The following HCRTR2 variants were observed in gnomAD, a reference collection of about 807,000 sequenced individuals.
HCRTR2 encodes the protein orexin receptor type 2.
Under a neutral mutation model 49.0 loss-of-function variants are expected in HCRTR2, and 22 were observed. That is an observed-to-expected ratio of 0.45 (90% CI 0.32 to 0.64). The LOEUF (loss-of-function observed/expected upper bound fraction) is 0.64. Among genes scored for constraint, HCRTR2 ranks in the 30% least tolerant of loss-of-function variants. HCRTR2 has a pLI of 0.04. For synonymous variants in HCRTR2, 236 were observed against 205.3 expected, an observed-to-expected ratio of 1.15 and a Z score of -1.28; for missense variants, 491 against 559.4, an observed-to-expected ratio of 0.88 and a Z score of 1.23.
intron 1 of HCRTR2, among the ~76,000 whole-genome samples, chr6:55,197,111 T>C (rs1341324780): frequency 6.6e-6 from 1 of 152,184 alleles, no homozygotes; most frequent in African/African-American, 2.4e-5. Context: ...AAACTAAATT[T>C]AACTCTAAAC....
intron 1 of HCRTR2, among the ~76,000 whole-genome samples, chr6:55,163,333 A>C (rs1452298265): frequency 1.3e-5 from 2 of 152,204 alleles, no homozygotes; most frequent in Non-Finnish European, 2.9e-5. Flanking sequence ...TCCTAAGCAA[A>C]AAGAACATAG....
intron 3 of HCRTR2, among the ~76,000 whole-genome samples, chr6:55,256,817 A>T (rs932981128): frequency 6.6e-6 from 1 of 152,138 alleles, no homozygotes; most frequent in Non-Finnish European, 1.5e-5. Context: ...CATTGTGCCC[A>T]CCTGGAGAGA....
intron 1 of HCRTR2, among the ~76,000 whole-genome samples, chr6:55,127,174 G>T (rs1158085155): frequency 6.6e-6 from 1 of 152,084 alleles, no homozygotes; most frequent in Non-Finnish European, 1.5e-5. Context: ...ACCAAGTTTT[G>T]TGCTTGAAAC....
At chr6:55,118,711 T>C (rs557479202) in intron 1 of HCRTR2, among the ~76,000 whole-genome samples, 2 of 151,840 alleles carry the variant, frequency 1.3e-5, no homozygotes, top group Non-Finnish European at 1.5e-5. Flanking sequence ...CTTTGAAAGG[T>C]GCCTGTTCAT....
At chr6:55,248,228 G>C (rs1373589295) in intron 1 of HCRTR2, among the ~76,000 whole-genome samples, 1 of 152,066 alleles carries the variant, frequency 6.6e-6, no homozygotes, top group East Asian at 1.9e-4. Context: ...GAAGATATGG[G>C]TCAAGGTCAT....
intron 1 of HCRTR2, among the ~76,000 whole-genome samples, chr6:55,147,146 C>A (rs1764590127): frequency 6.6e-6 from 1 of 152,038 alleles, no homozygotes; most frequent in African/African-American, 2.4e-5. Context: ...TAATAAAGGT[C>A]TTTTAATTAC....
chr6:55,193,161 C>T (rs1385118549), intron 1 of HCRTR2, among the ~76,000 whole-genome samples: 1 of 152,102 alleles, frequency 6.6e-6, no homozygotes, highest in Non-Finnish European at 1.5e-5. Flanking sequence ...ACTCTTCTGA[C>T]ATTAGAAGGA....
intron 3 of HCRTR2, among the ~76,000 whole-genome samples, chr6:55,260,221 T>C (rs545175290): frequency 1.3e-5 from 2 of 152,174 alleles, no homozygotes; most frequent in Non-Finnish European, 2.9e-5. Context: ...CAATTGGTCT[T>C]ATGCAGACAA....
chr6:55,275,162 G>C (rs897669733), intron 4 of HCRTR2, among the ~76,000 whole-genome samples: 1 of 152,078 alleles, frequency 6.6e-6, no homozygotes, highest in South Asian at 2.1e-4. Flanking sequence ...AGGTTTTAAG[G>C]TCCATCATGT....
intron 2 of HCRTR2, among the ~76,000 whole-genome samples, chr6:55,252,095 T>C (rs1766561148): frequency 6.6e-6 from 1 of 152,142 alleles, no homozygotes. Context: ...AATTGTATAT[T>C]AATGTGTTAA....
At chr6:55,119,950 A>T (rs1764172905) in intron 1 of HCRTR2, among the ~76,000 whole-genome samples, 1 of 151,974 alleles carries the variant, frequency 6.6e-6, no homozygotes, top group South Asian at 2.1e-4. Context: ...TTTTTGTATA[A>T]GGTATAAGGA....
In HCRTR2 at chr6:55,157,451, G is replaced by A. The variant is rs115973104; in HGVS notation, c.-377-16760G>A. ...ATCTCTGGATCCACTCAGGACCAGG[G>A]AGAACTTGTTGCCCTGAAGGGAAGG... On this transcript the variant is annotated intron_variant, in intron 1 of 7. Transcript: ENST00000615358. 2.3e-3 allele frequency among the ~76,000 whole-genome samples: 358 copies of A among 152,354 alleles called. 1 individual carries two copies. Among genetic ancestry groups the A allele is most frequent in the African/African-American group, 8.1e-3 (335 of 41,590 alleles).
chr6:55,163,444 C>A (rs1170562666), intron 1 of HCRTR2, among the ~76,000 whole-genome samples: 2 of 152,088 alleles, frequency 1.3e-5, no homozygotes, highest in Non-Finnish European at 2.9e-5. Context: ...ACCAATGGAA[C>A]AGAACAGAGG....
At chr6:55,109,171 G>A (rs533397031) in intron 1 of HCRTR2, among the ~76,000 whole-genome samples, 2 of 152,162 alleles carry the variant, frequency 1.3e-5, no homozygotes, top group Admixed American at 6.6e-5. Context: ...CTCTCAGGAA[G>A]CCCCATTCCT....
intron 1 of HCRTR2, among the ~76,000 whole-genome samples, chr6:55,180,673 A>T (rs759078667): frequency 3.9e-5 from 6 of 152,234 alleles, no homozygotes; most frequent in Admixed American, 2.0e-4. Flanking sequence ...CTGAGAGCCT[A>T]AACACTTAAC....
intron 1 of HCRTR2, among the ~76,000 whole-genome samples, chr6:55,117,804 A>AG (rs1554166005): frequency 3.3e-5 from 5 of 149,268 alleles, no homozygotes; most frequent in African/African-American, 7.4e-5. Context: ...AAAAAAAAAA[A>AG]GGGAACTGGA....
intron 1 of HCRTR2, among the ~76,000 whole-genome samples, chr6:55,221,273 A>T (rs1460683832): frequency 6.6e-6 from 1 of 152,208 alleles, no homozygotes; most frequent in Non-Finnish European, 1.5e-5. Flanking sequence ...TCCTGACTTC[A>T]AAACATATTC....
intron 1 of HCRTR2, among the ~76,000 whole-genome samples, chr6:55,192,417 A>T (rs200587351): frequency 8.9e-6 from 1 of 112,174 alleles, no homozygotes; most frequent in Non-Finnish European, 1.9e-5. Flanking sequence ...GCGCGCGCAC[A>T]CACACACACA....
chr6:55,138,687 G>T lies in HCRTR2; in HGVS notation c.-378+32142G>T, dbSNP rs549594670. Reference sequence around the variant, plus strand: ...TGTCATTTTAAACTGCTTAAGCAGAGGGTTAGAGAGCTCCTGAAAAGAAAG... The same window carrying T: ...TGTCATTTTAAACTGCTTAAGCAGATGGTTAGAGAGCTCCTGAAAAGAAAG... On this transcript the variant is annotated intron_variant, in intron 1 of 7. Coordinates refer to the HCRTR2 transcript ENST00000615358. Among the ~76,000 whole-genome samples, 30 of 152,292 alleles carry T rather than the reference G, an allele frequency of 2.0e-4. No individual in the cohort carries two copies. In the South Asian group the frequency reaches 6.2e-3, roughly 32 times the overall value.
Sources: allele counts gnomAD v4.1 joint callset (sites outside exome capture counted in the v4.1 genomes callset), GRCh38; gene constraint gnomAD v4.1.1; transcripts MANE v1.5; gene names NCBI Gene and HGNC (gene_info 2026-07-23, HGNC 2026-07-21).